DNAH5: variants seen among roughly 807,000 people sequenced by gnomAD.
DNAH5 encodes dynein axonemal heavy chain 5, also known as axonemal beta dynein heavy chain 5.
A neutral mutation model predicts 518.2 loss-of-function variants in DNAH5; 372 were observed. That is an observed-to-expected ratio of 0.72 (90% CI 0.66 to 0.78). The LOEUF (loss-of-function observed/expected upper bound fraction) is 0.78, where lower values mean the gene tolerates loss of function less well. DNAH5 is among the 30% of genes least tolerant of loss of function. DNAH5 has a pLI of 0.00. For synonymous variants in DNAH5, 2,039 were observed against 2,025.9 expected, an observed-to-expected ratio of 1.01 and a Z score of -0.17; for missense variants, 5,523 against 5,687.0, an observed-to-expected ratio of 0.97 and a Z score of 0.93.
intron 35 of DNAH5, 55 bp downstream of exon 35, chr5:13,839,301 C>A: frequency 6.4e-7 from 1 of 1,564,910 alleles, no homozygotes; most frequent in South Asian, 1.1e-5. Flanking sequence ...CAAAAATCCC[C>A]TGAGCAACTC....
At position 13,830,726 on chromosome 5, in the gene DNAH5, G is replaced by C. The variant is rs138222058; in HGVS notation, c.5932C>G (p.Pro1978Ala). The part of the protein sequence containing the change: ...QALGMSMGGA[P>A]AGPAGTGKTE... ...TTGCCTGTGCCTGCAGGTCCAGCAG[G>C]GGCTCCCCCCATGCTCATTCCCAGA... The change falls in exon 36 of 79, where the codon CCT becomes GCT. Residue 1978 changes from proline to alanine, a missense_variant. By Grantham distance (27) the Pro-to-Ala change is conservative. Around this residue, in one of 3 missense-constraint regions of DNAH5, gnomAD observed 5,121 missense variants for 5,223.3 expected, o/e 0.98. Coordinates refer to ENST00000265104, the MANE Select transcript of DNAH5 (RefSeq NM_001369.3). 21 of 1,614,126 alleles carry C rather than the reference G, an allele frequency of 1.3e-5. No individual in the cohort carries two copies. The African/African-American group carries it at 1.5e-4, about 11-fold the overall frequency.
intron 63 of DNAH5, among the ~76,000 whole-genome samples, chr5:13,752,986 C>T (rs573897374): frequency 1.3e-5 from 2 of 152,270 alleles, no homozygotes; most frequent in South Asian, 4.2e-4. Context: ...TCAAAGAGAG[C>T]CCTGGACCCT....
At chr5:13,761,269 A>G (rs575015059) in intron 60 of DNAH5, among the ~76,000 whole-genome samples, 1 of 152,304 alleles carries the variant, frequency 6.6e-6, no homozygotes, top group South Asian at 2.1e-4. Context: ...GAAAAAAACT[A>G]TGCATCATGA....
chr5:13,978,230 A>T (rs1782415223), intron 1 of DNAH5, among the ~76,000 whole-genome samples: 1 of 152,250 alleles, frequency 6.6e-6, no homozygotes, highest in South Asian at 2.1e-4. Flanking sequence ...GTGCCCACTC[A>T]GCCAGGCATG....
At chr5:13,754,438 G>A in intron 61 of DNAH5, 100 bp from the exon 62 acceptor site, 1 of 1,300,742 alleles carries the variant, frequency 7.7e-7, no homozygotes, top group Non-Finnish European at 1.1e-6. Context: ...CTGCCTTCCT[G>A]AGACATGTGA....
chr5:13,735,268 A>G lies in DNAH5; in HGVS notation c.11624T>C (p.Met3875Thr). ...SKRIANIIEH[M>T]TYEVYKYAAR... Reference sequence around the variant, plus strand: ...AGCATACTTATAAACCTCGTAGGTCATGTGCTCGATGATATTAGCAATCCT... The same window carrying G: ...AGCATACTTATAAACCTCGTAGGTCGTGTGCTCGATGATATTAGCAATCCT... Residue 3875 changes from methionine to threonine, a missense_variant, in exon 68 of 79, where the codon ATG becomes ACG. Transcript: ENST00000265104. 1 of 1,614,146 alleles carries G rather than the reference A, an allele frequency of 6.2e-7. No individual in the cohort carries two copies. Among genetic ancestry groups the G allele is most frequent in the Admixed American group, 1.7e-5 (1 of 60,022 alleles).
At chr5:13,785,643 C>G (rs138265339) in intron 52 of DNAH5, among the ~76,000 whole-genome samples, 1 of 152,184 alleles carries the variant, frequency 6.6e-6, no homozygotes, top group South Asian at 2.1e-4. Flanking sequence ...AAAACTAAAA[C>G]TCTGTACCCA....
At chr5:13,898,792 A>T (rs1353285467) in intron 15 of DNAH5, 2 of 394,618 alleles carry the variant, frequency 5.1e-6, no homozygotes, top group Non-Finnish European at 8.9e-6. Context: ...AAATTTTAAC[A>T]ATGGTTTCCA....
intron 47 of DNAH5, among the ~76,000 whole-genome samples, chr5:13,800,953 T>A (rs1342376449): frequency 2.0e-5 from 3 of 152,212 alleles, no homozygotes; most frequent in Non-Finnish European, 4.4e-5. Flanking sequence ...CATTATTTCA[T>A]CCTCAGTGTC....
intron 50 of DNAH5, among the ~76,000 whole-genome samples, chr5:13,789,742 C>T (rs773811994): frequency 8.5e-5 from 13 of 152,072 alleles, no homozygotes; most frequent in Non-Finnish European, 1.6e-4. Context: ...TCAAAAATGG[C>T]TATTTCAATA....
rs77694630 is a variant in DNAH5, at chr5:13,963,734, C to T, written c.13-32490G>A. Among the ~76,000 whole-genome samples, 617 of 152,246 alleles carry T rather than the reference C, an allele frequency of 4.1e-3. 7 individuals carry two copies. Among genetic ancestry groups the T allele is most frequent in the African/African-American group, 0.014 (586 of 41,532 alleles). On this transcript the variant is annotated intron_variant, in intron 1 of 78. Transcript: ENST00000681290. The stretch of plus-strand genomic sequence containing the variant: ...ATAAAATTGCTCTCCCCACTACCCC[C>T]CTCCTCCACAGTGGCACTATCATAG...
At chr5:13,717,862 A>G (rs1744513340) in intron 72 of DNAH5, among the ~76,000 whole-genome samples, 1 of 152,072 alleles carries the variant, frequency 6.6e-6, no homozygotes, top group Admixed American at 6.5e-5. Context: ...CTCTATTATT[A>G]TTACTGTTGT....
At chr5:13,954,828 CTCTT>C (rs1381032241) in intron 1 of DNAH5, among the ~76,000 whole-genome samples, 1 of 152,182 alleles carries the variant, frequency 6.6e-6, no homozygotes, top group African/African-American at 2.4e-5. Context: ...ACATCTCTGA[CTCTT>C]TCTCTTTTAA....
intron 22 of DNAH5, among the ~76,000 whole-genome samples, chr5:13,872,539 T>C (rs999717918): frequency 6.6e-6 from 1 of 152,204 alleles, no homozygotes; most frequent in East Asian, 1.9e-4. Context: ...AACAAGATAT[T>C]TTCCACTATT....
chr5:13,854,196 A>G lies in DNAH5; in HGVS notation c.4951-3381T>C, dbSNP rs184744397. Among the ~76,000 whole-genome samples, 36 of 152,364 alleles carry G rather than the reference A, an allele frequency of 2.4e-4. No individual in the cohort carries two copies. In the East Asian group the frequency reaches 6.4e-3, roughly 27 times the overall value. The stretch of plus-strand genomic sequence containing the variant: ...TCTCTCTGCAGAAACCCTACAAGCC[A>G]TAAGAGAGTGGGGGCCAATATTCAA... On this transcript the variant is annotated intron_variant, in intron 30 of 78. Coordinates refer to ENST00000265104, the MANE Select transcript of DNAH5 (RefSeq NM_001369.3).
Position 13,870,867 on chromosome 5 carries a change from C to T in DNAH5, c.3734G>A (p.Arg1245His), listed in dbSNP as rs77939839. The stretch of plus-strand genomic sequence containing the variant: ...AATATCATCTAGGTCCTTAATTGGA[C>T]GATTTAGTTTCTTATTGAATTCTTC... ...LIEEFNKKLN[R>H]PIKDLDDIRI... is the part of the protein sequence containing the mutation. Residue 1245 changes from arginine (R) to histidine (H), a missense_variant, in exon 24 of 79, where the codon CGT becomes CAT. Coordinates refer to ENST00000265104, the MANE Select transcript of DNAH5 (RefSeq NM_001369.3). 743 of 1,613,776 alleles carry T rather than the reference C, an allele frequency of 4.6e-4. 3 individuals carry two copies. The African/African-American group carries it at 6.9e-3, about 15-fold the overall frequency.
chr5:13,918,855 T>C (rs1056000731), intron 7 of DNAH5, among the ~76,000 whole-genome samples: 3 of 152,112 alleles, frequency 2.0e-5, no homozygotes, highest in Non-Finnish European at 4.4e-5. Flanking sequence ...ACAGATAGGG[T>C]GAGTTTTCAT....
intron 64 of DNAH5, among the ~76,000 whole-genome samples, chr5:13,751,902 C>G (rs1277053660): frequency 6.6e-6 from 1 of 152,154 alleles, no homozygotes; most frequent in Non-Finnish European, 1.5e-5. Flanking sequence ...TCAAAGCTGT[C>G]AGCATCAAAT....
rs556860632 is a variant in DNAH5 at position 13,761,587 on chromosome 5, C to T, written c.10281+1135G>A. ...CAGCCTGGGTGACAGAGAAAGACTC[C>T]GTCTCAAAAAAAAAAAAAAGACACT... On this transcript the variant is annotated intron_variant, in intron 60 of 78. Transcript: ENST00000265104. 1.4e-3 allele frequency among the ~76,000 whole-genome samples: 135 copies of T among 94,386 alleles called. 1 individual carries two copies. Among genetic ancestry groups the T allele is most frequent in the African/African-American group, 6.4e-3 (128 of 19,948 alleles). The allele number at this position is 94,386 out of a possible 152,430, so 61.9% of individuals were successfully genotyped here. A position where few individuals can be genotyped will look rare whatever the true frequency, so the allele number is the denominator to read the frequency against.
Sources: gnomAD v4.1 joint callset for allele counts (sites outside exome capture counted in the v4.1 genomes callset) on GRCh38, gnomAD v4.1.1 for gene constraint, gnomAD v4.1.1 regional missense constraint, MANE v1.5 for transcripts, NCBI Gene and HGNC (gene_info 2026-07-23, HGNC 2026-07-21) for gene names.